The following RCOR3 variants were observed in gnomAD, a reference collection of about 807,000 sequenced individuals.
RCOR3 encodes the protein REST corepressor 3.
Under a neutral mutation model 64.1 loss-of-function variants are expected in RCOR3, and 13 were observed. The observed-to-expected ratio is 0.20, with a 90% CI of 0.13 to 0.32. The LOEUF (loss-of-function observed/expected upper bound fraction) is 0.32. Among genes scored for constraint, RCOR3 ranks in the 10% least tolerant of loss-of-function variants. The pLI is 1.00. For synonymous variants in RCOR3, 215 were observed against 239.0 expected (o/e 0.90, Z 0.93); for missense variants, 489 against 701.2 (o/e 0.70, Z 3.42).
chr1:211,263,119 G>A (rs1694646977), intron 2 of RCOR3, among the ~76,000 whole-genome samples: 2 of 146,506 alleles, frequency 1.4e-5, no homozygotes, highest in Admixed American at 7.0e-5. Context: ...GAGAACATGC[G>A]GTGTTTGGTT....
intron 2 of RCOR3, among the ~76,000 whole-genome samples, chr1:211,264,726 G>T (rs1486284941): frequency 1.3e-5 from 2 of 152,170 alleles, no homozygotes; most frequent in Non-Finnish European, 2.9e-5. Context: ...TAGGAAATAT[G>T]AGAAGAATTG....
chr1:211,264,338 C>CT (rs1474304117), intron 2 of RCOR3, among the ~76,000 whole-genome samples: 2 of 152,022 alleles, frequency 1.3e-5, no homozygotes, highest in Non-Finnish European at 2.9e-5. Context: ...TTTACAGAGA[C>CT]TAATTTTATT....
chr1:211,303,944 C>A (rs975501649), intron 9 of RCOR3, 139 bp from the exon 10 acceptor site: 3 of 488,152 alleles, frequency 6.1e-6, no homozygotes, highest in Non-Finnish European at 7.3e-6. Flanking sequence ...TATTTTTAAT[C>A]TTTCTAAAAA....
intron 7 of RCOR3, among the ~76,000 whole-genome samples, chr1:211,283,423 T>G (rs1272083074): frequency 6.6e-6 from 1 of 152,234 alleles, no homozygotes; most frequent in South Asian, 2.1e-4. Flanking sequence ...TCCTAGGTAA[T>G]GGCATAATTG....
chr1:211,298,244 G>C (rs1700038517), intron 9 of RCOR3, among the ~76,000 whole-genome samples: 1 of 152,146 alleles, frequency 6.6e-6, no homozygotes, highest in Non-Finnish European at 1.5e-5. Flanking sequence ...AAGTATACAG[G>C]GAAACAAGTG....
At chr1:211,309,413 A>G (rs1701268273) in intron 10 of RCOR3, among the ~76,000 whole-genome samples, 1 of 152,234 alleles carries the variant, frequency 6.6e-6, no homozygotes. Flanking sequence ...AATGACTTAT[A>G]TTTTTATGTT....
chr1:211,281,529 G>C (rs1250870355), intron 7 of RCOR3, among the ~76,000 whole-genome samples: 1 of 152,112 alleles, frequency 6.6e-6, no homozygotes, highest in East Asian at 1.9e-4. Flanking sequence ...TAAAGTTGCT[G>C]ATTCACTGCT....
chr1:211,289,602 C>A (rs1017774947), intron 8 of RCOR3, among the ~76,000 whole-genome samples: 3 of 152,148 alleles, frequency 2.0e-5, no homozygotes, highest in African/African-American at 7.2e-5. Context: ...TGCCTGTTAG[C>A]TCTGTGGTCT....
chr1:211,279,348 G>T (rs969675155), intron 7 of RCOR3, 32 bp downstream of exon 7: 1 of 1,467,464 alleles, frequency 6.8e-7, no homozygotes, highest in Non-Finnish European at 9.5e-7. Context: ...ACTTGTGATT[G>T]TTCTACAAAT....
intron 7 of RCOR3, among the ~76,000 whole-genome samples, chr1:211,285,680 A>G (rs538461220): frequency 6.6e-5 from 10 of 152,184 alleles, no homozygotes; most frequent in Non-Finnish European, 1.3e-4. Context: ...GTGCTTAGGG[A>G]TATTATCTTG....
chr1:211,304,007 A>C, intron 9 of RCOR3, 76 bp from the exon 10 acceptor site: 1 of 962,874 alleles, frequency 1.0e-6, no homozygotes, highest in Non-Finnish European at 1.6e-6. Flanking sequence ...GATTTGATGA[A>C]AATTTAAAAA....
At chr1:211,266,081 T>C (rs1199107438) in intron 2 of RCOR3, among the ~76,000 whole-genome samples, 1 of 152,122 alleles carries the variant, frequency 6.6e-6, no homozygotes, top group Non-Finnish European at 1.5e-5. Flanking sequence ...AAAGAGAAAA[T>C]AGGGAAGTTA....
At chr1:211,291,037 A>C (rs948221103) in intron 8 of RCOR3, among the ~76,000 whole-genome samples, 1 of 151,620 alleles carries the variant, frequency 6.6e-6, no homozygotes, top group African/African-American at 2.4e-5. Flanking sequence ...ATCACTGCAT[A>C]TTTAGTTAAT....
At chr1:211,262,969 C>T (rs1214832479) in intron 2 of RCOR3, among the ~76,000 whole-genome samples, 1 of 150,052 alleles carries the variant, frequency 6.7e-6, no homozygotes, top group Admixed American at 6.6e-5. Context: ...TGTGCTGCAC[C>T]CATTAACTCG....
chr1:211,275,610 T>A (rs1696849883), intron 4 of RCOR3, among the ~76,000 whole-genome samples: 1 of 152,148 alleles, frequency 6.6e-6, no homozygotes, highest in Non-Finnish European at 1.5e-5. Flanking sequence ...GAAGGGGAAG[T>A]TATGGAATTT....
chr1:211,274,370 T>C, intron 4 of RCOR3, 108 bp downstream of exon 4: 1 of 643,578 alleles, frequency 1.6e-6, no homozygotes, highest in South Asian at 2.8e-5. Context: ...TGACCAGCTA[T>C]TTTATAGATA....
intron 2 of RCOR3, among the ~76,000 whole-genome samples, chr1:211,267,052 C>G (rs1437115762): frequency 6.6e-6 from 1 of 152,138 alleles, no homozygotes; most frequent in Non-Finnish European, 1.5e-5. Context: ...AAGGAAGGAA[C>G]TTAAGAAAGA....
chr1:211,264,652 A>G (rs1283888960), intron 2 of RCOR3, among the ~76,000 whole-genome samples: 5 of 152,100 alleles, frequency 3.3e-5, no homozygotes, highest in African/African-American at 9.7e-5. Context: ...CCACTGTACT[A>G]TACCCTGGGT....
At chr1:211,280,841 G>C (rs1697690958) in intron 7 of RCOR3, among the ~76,000 whole-genome samples, 1 of 152,004 alleles carries the variant, frequency 6.6e-6, no homozygotes, top group Admixed American at 6.6e-5. Flanking sequence ...AAATTAGCCG[G>C]GGCGTGGTGG....
Sources: allele counts gnomAD v4.1 joint callset (sites outside exome capture counted in the v4.1 genomes callset), GRCh38; gene constraint gnomAD v4.1.1; transcripts MANE v1.5; gene names NCBI Gene and HGNC (gene_info 2026-07-23, HGNC 2026-07-21).